RNF20: variants seen among roughly 807,000 people sequenced by gnomAD.
RNF20 encodes ring finger protein 20.
In RNF20, 84 loss-of-function variants were observed where a neutral mutation model predicts 126.2. The observed-to-expected ratio is 0.67, with a 90% CI of 0.56 to 0.80. The LOEUF (loss-of-function observed/expected upper bound fraction) is 0.80. Among genes scored for constraint, RNF20 ranks in the 30% least tolerant of loss-of-function variants. The pLI is 0.00. For missense variants in RNF20, 869 were observed against 1,188.2 expected (o/e 0.73, Z 3.95); for synonymous variants, 400 against 414.3 (o/e 0.97, Z 0.42).
At chr9:101,555,414 TCTC>T (rs954340837) in intron 15 of RNF20, among the ~76,000 whole-genome samples, 18 of 152,094 alleles carry the variant, frequency 1.2e-4, no homozygotes, top group Admixed American at 4.6e-4. Context: ...TAGAGATTGT[TCTC>T]CTCCTTATAA....
chr9:101,562,248 A>G lies in RNF20; in HGVS notation c.2754A>G (p.Ala918=). The part of the protein sequence containing the change: ...ILMEEIKDYK[A]RLTCPCCNMR... ...ACTCTGACATCTTTTCTTTTTAGGCACGCTTGACCTGTCCGTGCTGTAACA... is the reference window on the plus strand; with the variant it reads ...ACTCTGACATCTTTTCTTTTTAGGCGCGCTTGACCTGTCCGTGCTGTAACA... Residue 918 remains alanine (A), a splice_region_variant and synonymous_variant, in exon 20 of 20, where the codon GCA becomes GCG. Coordinates refer to ENST00000389120, the MANE Select transcript of RNF20 (RefSeq NM_019592.7). 2 of 1,605,422 alleles carry G rather than the reference A, an allele frequency of 1.2e-6. No homozygotes were observed. The highest frequency in any genetic ancestry group is 1.7e-6 in the Non-Finnish European group (2 of 1,175,326).
Position 101,552,893 on chromosome 9 carries a change from G to T in RNF20, c.1901+140G>T, listed in dbSNP as rs1827473028. On this transcript the variant is annotated intron_variant, in intron 13 of 19. Coordinates refer to ENST00000389120, the MANE Select transcript of RNF20 (RefSeq NM_019592.7). ...TACAATTAATTTGGTTTCAAGTCGT[G>T]TTCAAGTGCACAGCCAAAATGGCTT... 3.4e-6 allele frequency: 3 copies of T among 894,420 alleles called. No homozygotes were observed. In the East Asian group the frequency reaches 8.0e-5, roughly 24 times the overall value. 55.4% of individuals were successfully genotyped at this position (894,420 alleles called of 1,614,324 possible). A position where few individuals can be genotyped will look rare whatever the true frequency, so the allele number is the denominator to read the frequency against.
Position 101,552,460 on chromosome 9 carries a change from A to C in RNF20, c.1608A>C (p.Leu536=), listed in dbSNP as rs747458865. Residue 536 remains leucine (L), a synonymous_variant, in exon 13 of 20, where the codon CTA becomes CTC. Coordinates refer to ENST00000389120, the MANE Select transcript of RNF20 (RefSeq NM_019592.7). ...ACCCGAAGGATGAGCCTGCGGAGCT[A>C]AAACCAGATTCTGAGGACTTATCCT... ...TEDPKDEPAE[L]KPDSEDLSSQ... is the part of the protein sequence containing the mutation. 6.8e-6 allele frequency: 11 copies of C among 1,613,456 alleles called. No homozygotes were observed. Among genetic ancestry groups the C allele is most frequent in the Non-Finnish European group, 8.5e-6 (10 of 1,179,490 alleles).
In RNF20 at chr9:101,550,653, A is replaced by G; in HGVS notation, c.1140A>G (p.Glu380=). 1.9e-6 allele frequency: 3 copies of G among 1,614,166 alleles called. No homozygotes were observed. Among genetic ancestry groups the G allele is most frequent in the South Asian group, 1.1e-5 (1 of 91,080 alleles). Residue 380 remains glutamate, a synonymous_variant, in exon 10 of 20, where the codon GAA becomes GAG. Transcript: ENST00000389120. ...AGCAAGTCGTTAAGGAAACTCCAGAATATCGCTGCATGCAGTCACAGTTCT... is the reference window on the plus strand; with the variant it reads ...AGCAAGTCGTTAAGGAAACTCCAGAGTATCGCTGCATGCAGTCACAGTTCT... The part of the protein sequence containing the change: ...AVEQVVKETP[E]YRCMQSQFSV...
intron 1 of RNF20, among the ~76,000 whole-genome samples, chr9:101,534,566 A>G (rs923450129): frequency 6.6e-6 from 1 of 152,148 alleles, no homozygotes; most frequent in East Asian, 1.9e-4. Context: ...CTATAATTAT[A>G]TCATCCATTT....
intron 9 of RNF20, 110 bp downstream of exon 9, chr9:101,547,628 A>T: frequency 8.2e-7 from 1 of 1,224,570 alleles, no homozygotes; most frequent in Admixed American, 2.4e-5. Context: ...AAATGTAGAC[A>T]AAATCCAACA....
intron 15 of RNF20, among the ~76,000 whole-genome samples, chr9:101,556,001 A>G (rs1827525730): frequency 1.3e-5 from 2 of 148,204 alleles, no homozygotes; most frequent in African/African-American, 4.8e-5. Context: ...TAAATCTGGT[A>G]AATGCCACTT....
At position 101,540,370 on chromosome 9, in the gene RNF20, G is replaced by A. The variant is rs758370351; in HGVS notation, c.297G>A (p.Gln99=). The change falls in exon 3 of 20, where the codon CAG becomes CAA. Residue 99 remains glutamine, a splice_region_variant and synonymous_variant. Transcript: ENST00000389120. ...SLLIVNRYWS[Q]FDENIRIILK... is the part of the protein sequence containing the mutation. ...TGATTGTCAACCGATACTGGAGTCA[G>A]GTAGCTAACTTGTTTATTTGTTCAG... 2 of 1,613,952 alleles carry A rather than the reference G, an allele frequency of 1.2e-6. No individual in the cohort carries two copies. Among genetic ancestry groups the A allele is most frequent in the African/African-American group, 2.7e-5 (2 of 74,900 alleles).
At position 101,552,490 on chromosome 9, in the gene RNF20, G is replaced by A; in HGVS notation, c.1638G>A (p.Gln546=). 1 of 1,614,024 alleles carries A rather than the reference G, an allele frequency of 6.2e-7. No individual in the cohort carries two copies. Among genetic ancestry groups the A allele is most frequent in the Non-Finnish European group, 8.5e-7 (1 of 1,179,974 alleles). The change falls in exon 13 of 20, where the codon CAG becomes CAA. Residue 546 remains glutamine, a synonymous_variant. Coordinates refer to ENST00000389120, the MANE Select transcript of RNF20 (RefSeq NM_019592.7). ...LKPDSEDLSS[Q]SSASKASQED... is the part of the protein sequence containing the mutation. ...CAGATTCTGAGGACTTATCCTCCCA[G>A]TCCTCAGCTTCAAAGGCATCTCAGG...
At chr9:101,535,826 G>A (rs1827174047) in intron 2 of RNF20, among the ~76,000 whole-genome samples, 1 of 152,176 alleles carries the variant, frequency 6.6e-6, no homozygotes, top group Non-Finnish European at 1.5e-5. Flanking sequence ...TTAGCAGTGG[G>A]AAGATACACA....
intron 15 of RNF20, among the ~76,000 whole-genome samples, chr9:101,555,581 T>C (rs1827519790): frequency 6.6e-6 from 1 of 152,146 alleles, no homozygotes; most frequent in Admixed American, 6.6e-5. Flanking sequence ...ATGGAGTAGG[T>C]TTAATGGTAA....
At position 101,561,113 on chromosome 9, in the gene RNF20, A is replaced by G. The variant is rs112686433; in HGVS notation, c.2532A>G (p.Ala844=). The G allele has an allele frequency of 6.2e-7, 1 of 1,613,910 alleles. No individual in the cohort carries two copies. Among genetic ancestry groups the G allele is most frequent in the South Asian group, 1.1e-5 (1 of 91,068 alleles). ...AGGCAATGGAGGCAGCCCAGCTTGC[A>G]GATGACCTCAAAGCACAACTGGAGT... is the stretch of plus-strand genomic sequence containing the variant. ...KRKAMEAAQL[A]DDLKAQLELA... The change falls in exon 18 of 20, where the codon GCA becomes GCG. Residue 844 remains alanine (A), a synonymous_variant. Coordinates refer to ENST00000389120, the MANE Select transcript of RNF20 (RefSeq NM_019592.7).
intron 2 of RNF20, among the ~76,000 whole-genome samples, 180 bp downstream of exon 2, chr9:101,535,732 AGTT>A (rs1369940221): frequency 2.0e-5 from 3 of 152,218 alleles, no homozygotes; most frequent in African/African-American, 4.8e-5. Flanking sequence ...GTAGATTGAT[AGTT>A]GTTCTTTGTT....
At chr9:101,544,990 A>G (rs1052831778) in intron 6 of RNF20, 105 bp downstream of exon 6, 67 of 730,148 alleles carry the variant, frequency 9.2e-5, no homozygotes, top group Non-Finnish European at 1.5e-4. Context: ...AAGGCCTATC[A>G]TATCATAGGG....
chr9:101,552,862 A>G, intron 13 of RNF20, 109 bp downstream of exon 13: 1 of 1,121,722 alleles, frequency 8.9e-7, no homozygotes, highest in African/African-American at 1.6e-5. Flanking sequence ...TTAATGTTTT[A>G]GATTGTACAA....
In RNF20 at chr9:101,535,461, C is replaced by A. The variant is rs143979990; in HGVS notation, c.38C>A (p.Pro13His). ...GGAAATAAAAGAGCAGCTGGAGAAC[C>A]TGGCACCTCCATGCCTCCTGAGAAG... ...GIGNKRAAGE[P>H]GTSMPPEKKA... The change falls in exon 2 of 20, where the codon CCT (proline) becomes CAT (histidine). Residue 13 changes from proline to histidine, a missense_variant. Physicochemically the swap from Pro to His is moderately conservative, Grantham distance 77 (BLOSUM62 -2). Transcript: ENST00000389120. The A allele has an allele frequency of 6.2e-7, 1 of 1,613,916 alleles. No homozygotes were observed. The highest frequency in any genetic ancestry group is 8.5e-7 in the Non-Finnish European group (1 of 1,179,902).
At chr9:101,543,208 T>A (rs1337022474) in intron 5 of RNF20, among the ~76,000 whole-genome samples, 1 of 152,272 alleles carries the variant, frequency 6.6e-6, no homozygotes, top group East Asian at 1.9e-4. Context: ...AGAGCAAGTA[T>A]AGGCCTTATA....
chr9:101,547,404 G>A lies in RNF20; in HGVS notation c.978G>A (p.Glu326=). The change falls in exon 9 of 20, where the codon GAG becomes GAA. Residue 326 remains glutamate, a synonymous_variant. Transcript: ENST00000389120. ...ATTTTTCTGCTTCTCTGCAGTTTGA[G>A]GAAATGAATGCAGAGCTTGAGGAGA... ...GTITINARKF[E]EMNAELEENK... is the part of the protein sequence containing the mutation. The A allele has an allele frequency of 6.2e-7, 1 of 1,614,062 alleles. No homozygotes were observed. The highest frequency in any genetic ancestry group is 2.2e-5 in the East Asian group (1 of 44,880).
At chr9:101,561,257 C>T (rs951455308) in intron 18 of RNF20, 27 bp downstream of exon 18, 6 of 1,610,540 alleles carry the variant, frequency 3.7e-6, no homozygotes, top group Admixed American at 3.4e-5. Flanking sequence ...TTTCTTGTCA[C>T]CTTTTAGGTG....
Sources: gnomAD v4.1 joint callset for allele counts (sites outside exome capture counted in the v4.1 genomes callset) on GRCh38, gnomAD v4.1.1 for gene constraint, MANE v1.5 for transcripts, NCBI Gene and HGNC (gene_info 2026-07-23, HGNC 2026-07-21) for gene names.